The following NLRP7 variants were observed in gnomAD, a reference collection of about 807,000 sequenced individuals.
NLRP7 encodes NLR family pyrin domain containing 7.
NLRP7 carries 72 observed loss-of-function variants against 85.5 expected under a neutral mutation model. That is an observed-to-expected ratio of 0.84 (90% confidence interval 0.70 to 1.02). The LOEUF is 1.02. Ranked by LOEUF, NLRP7 falls within the 50% of genes least tolerant of loss-of-function variation. The pLI is 0.00. For synonymous variants in NLRP7, 550 were observed against 505.2 expected, an observed-to-expected ratio of 1.09 and a Z score of -1.19; for missense variants, 1,243 against 1,219.5, an observed-to-expected ratio of 1.02 and a Z score of -0.29.
At chr19:54,936,331 A>G (rs1339846013) in exon 6 of NLRP7, 1 of 1,613,646 alleles carries the variant, frequency 6.2e-7, no homozygotes. Context: ...GTGCGTTCCC[A>G]CTCGATGTGC....
At chr19:54,924,624 A>ATGTTT (rs2068356381) in intron 9 of NLRP7, among the ~76,000 whole-genome samples, 1 of 152,050 alleles carries the variant, frequency 6.6e-6, no homozygotes, top group Non-Finnish European at 1.5e-5. Context: ...ACATGCCTTT[A>ATGTTT]AAAAATAAAT....
chr19:54,961,908 C>T (rs1050159290), intron 1 of NLRP7, among the ~76,000 whole-genome samples: 1 of 151,454 alleles, frequency 6.6e-6, no homozygotes, highest in Non-Finnish European at 1.5e-5. Flanking sequence ...CCTGTAATCC[C>T]AGAACTTTGG....
At chr19:54,929,493 C>G (rs1165919018) in intron 9 of NLRP7, among the ~76,000 whole-genome samples, 1 of 152,094 alleles carries the variant, frequency 6.6e-6, no homozygotes, top group Non-Finnish European at 1.5e-5. Flanking sequence ...TAGGTTGCAT[C>G]CAAGAGATGC....
At chr19:54,953,236 C>G (rs1393901609) in intron 1 of NLRP7, 5 of 152,160 alleles carry the variant, frequency 3.3e-5, no homozygotes, top group Non-Finnish European at 7.3e-5. Flanking sequence ...AGGGGTTTAT[C>G]CGGCCAGGGG....
upstream of NLRP7, among the ~76,000 whole-genome samples, chr19:54,950,864 C>T (rs2069645983): frequency 6.6e-6 from 1 of 152,204 alleles, no homozygotes. Context: ...TCAGGTCTTT[C>T]CCTTCCCATG....
intron 1 of NLRP7, among the ~76,000 whole-genome samples, chr19:54,954,934 A>G (rs2069802866): frequency 6.6e-6 from 1 of 152,216 alleles, no homozygotes; most frequent in African/African-American, 2.4e-5. Flanking sequence ...CTTTCCTAAT[A>G]AGCTTGCTTC....
intron 1 of NLRP7, among the ~76,000 whole-genome samples, chr19:54,956,781 C>A (rs902979924): frequency 6.6e-6 from 1 of 151,352 alleles, no homozygotes; most frequent in African/African-American, 2.4e-5. Flanking sequence ...TGACACCCAA[C>A]ACCACGCCTT....
chr19:54,944,609 C>G (rs2069385924), intron 1 of NLRP7, among the ~76,000 whole-genome samples: 1 of 152,002 alleles, frequency 6.6e-6, no homozygotes, highest in Non-Finnish European at 1.5e-5. Context: ...TTCTCAGTCT[C>G]TCGTCCCACC....
chr19:54,964,302 C>A (rs904721775), intron 1 of NLRP7, among the ~76,000 whole-genome samples: 4 of 142,956 alleles, frequency 2.8e-5, no homozygotes, highest in African/African-American at 1.0e-4. Flanking sequence ...CTGCAAGCTC[C>A]GCCTCCCGGG....
chr19:54,941,262 C>G (rs1018468932), intron 2 of NLRP7, among the ~76,000 whole-genome samples, 173 bp downstream of exon 2: 1 of 151,106 alleles, frequency 6.6e-6, no homozygotes, highest in African/African-American at 2.4e-5. Context: ...CCCAGCTACT[C>G]CGGAGGCTGA....
exon 1 of NLRP7, chr19:54,966,229 ACAGG>A (rs558541601): frequency 3.7e-4 from 57 of 152,076 alleles, no homozygotes; most frequent in African/African-American, 1.3e-3. Context: ...GGTAAGTTTA[ACAGG>A]CAGTCAAGAT....
chr19:54,930,131 A>AG (rs1254648861), intron 9 of NLRP7, among the ~76,000 whole-genome samples: 141 of 146,290 alleles, frequency 9.6e-4, no homozygotes, highest in African/African-American at 3.8e-3. Flanking sequence ...AAAAAAAAAA[A>AG]AAAGAAAACA....
At chr19:54,923,668 C>A in exon 10 of NLRP7, 2 of 1,535,756 alleles carry the variant, frequency 1.3e-6, no homozygotes, top group South Asian at 2.2e-5. Flanking sequence ...GACCCTCTGA[C>A]CTGCATTCAT....
Position 54,934,847 on chromosome 19 carries a change from T to G in NLRP7, c.2301-188A>C, listed in dbSNP as rs558144906. ...GCCTCAGCCTCCGAAGTAGCTGGGA[T>G]TACAGGCATTCGCCAATTTTTGTAT... is the stretch of plus-strand genomic sequence containing the variant. On this transcript the variant is annotated intron_variant, in intron 6 of 9. Transcript: ENST00000340844. The surrounding 1 kb of genome is among the most constrained non-coding windows in gnomAD (Gnocchi z 6.7). Among the ~76,000 whole-genome samples the G allele has an allele frequency of 3.3e-5, 5 of 152,002 alleles. No individual in the cohort carries two copies. The highest frequency in any genetic ancestry group is 6.6e-5 in the Admixed American group (1 of 15,232).
intron 1 of NLRP7, among the ~76,000 whole-genome samples, chr19:54,946,213 A>AT (rs71181717): frequency 0.025 from 3,218 of 127,846 alleles, 46 homozygotes; most frequent in African/African-American, 0.05. Context: ...GGCCATTTAC[A>AT]TTTTTTTTTT....
At chr19:54,956,497 C>T (rs1415860283) in intron 1 of NLRP7, among the ~76,000 whole-genome samples, 2 of 151,392 alleles carry the variant, frequency 1.3e-5, no homozygotes, top group African/African-American at 4.9e-5. Flanking sequence ...TGAGACCACC[C>T]TGGTGAACAT....
At chr19:54,948,149 C>T (rs999710617), upstream of NLRP7, among the ~76,000 whole-genome samples, 9 of 152,106 alleles carry the variant, frequency 5.9e-5, no homozygotes, top group Admixed American at 6.6e-5. Flanking sequence ...TTTGGGAAGC[C>T]GAGGCGGGTG....
At chr19:54,964,525 C>T (rs1160614325) in intron 1 of NLRP7, among the ~76,000 whole-genome samples, 1 of 147,910 alleles carries the variant, frequency 6.8e-6, no homozygotes, top group Non-Finnish European at 1.5e-5. Flanking sequence ...TATATGTTTA[C>T]AAAATTAATA....
chr19:54,941,533 T>G, exon 2 of NLRP7: 2 of 1,614,084 alleles, frequency 1.2e-6, no homozygotes, highest in Non-Finnish European at 1.7e-6. Context: ...TGAGGAGGTG[T>G]TGACCAGAAT....
Sources: allele counts gnomAD v4.1 joint callset (sites outside exome capture counted in the v4.1 genomes callset), GRCh38; gene constraint gnomAD v4.1.1; non-coding constraint Gnocchi (gnomAD v3.1); transcripts MANE v1.5; gene names NCBI Gene and HGNC (gene_info 2026-07-23, HGNC 2026-07-21).